Variants in BTLA observed in about 807,000 individuals in gnomAD.
BTLA encodes B- and T-lymphocyte attenuator.
A neutral mutation model predicts 25.0 loss-of-function variants in BTLA; 11 were observed. The observed-to-expected ratio is 0.44, with a 90% confidence interval of 0.28 to 0.73. BTLA has a LOEUF of 0.73. Ranked by LOEUF, BTLA falls within the 30% of genes least tolerant of loss-of-function variation. The pLI is 0.15. For synonymous variants in BTLA, 104 were observed against 119.8 expected (o/e 0.87, Z 0.86); for missense variants, 282 against 332.8 (o/e 0.85, Z 1.19).
intron 2 of BTLA, among the ~76,000 whole-genome samples, chr3:112,476,291 T>C (rs892478301): frequency 6.6e-6 from 1 of 152,242 alleles, no homozygotes; most frequent in Non-Finnish European, 1.5e-5. Flanking sequence ...TTGTAGCTAC[T>C]GCTAAACTGC....
At chr3:112,476,411 A>G (rs1433879744) in intron 2 of BTLA, among the ~76,000 whole-genome samples, 1 of 152,232 alleles carries the variant, frequency 6.6e-6, no homozygotes. Context: ...GTTGAAAGAC[A>G]CTCAAAAGTA....
At chr3:112,472,709 C>A (rs945177113) in intron 2 of BTLA, among the ~76,000 whole-genome samples, 3 of 151,750 alleles carry the variant, frequency 2.0e-5, no homozygotes, top group Non-Finnish European at 2.9e-5. Flanking sequence ...AAAAAAAATT[C>A]TATTAATTAT....
chr3:112,467,644 C>A (rs769896513), intron 4 of BTLA, among the ~76,000 whole-genome samples: 3 of 152,194 alleles, frequency 2.0e-5, no homozygotes, highest in East Asian at 3.9e-4. Flanking sequence ...TCTGGCTTTA[C>A]CCTGAGAAGC....
At chr3:112,480,977 T>TATG (rs1422989464) in intron 1 of BTLA, among the ~76,000 whole-genome samples, 1 of 152,218 alleles carries the variant, frequency 6.6e-6, no homozygotes, top group African/African-American at 2.4e-5. Flanking sequence ...TCCCTCCAAC[T>TATG]ATGATCATGT....
chr3:112,469,117 T>C (rs775001536), intron 4 of BTLA, among the ~76,000 whole-genome samples: 4 of 152,196 alleles, frequency 2.6e-5, no homozygotes, highest in African/African-American at 4.8e-5. Context: ...TTAGTTCTAA[T>C]ATCTCCACAA....
intron 2 of BTLA, among the ~76,000 whole-genome samples, chr3:112,479,110 A>G (rs1207783107): frequency 6.6e-6 from 1 of 151,956 alleles, no homozygotes; most frequent in Non-Finnish European, 1.5e-5. Flanking sequence ...ACAAAGAAGG[A>G]CAAGCAATCA....
At chr3:112,481,193 T>C (rs2082316254) in intron 1 of BTLA, among the ~76,000 whole-genome samples, 2 of 152,160 alleles carry the variant, frequency 1.3e-5, no homozygotes, top group South Asian at 4.1e-4. Context: ...CCTGCAGCTC[T>C]CCCAGGCTAA....
At chr3:112,469,490 T>A (rs1452749289) in intron 4 of BTLA, among the ~76,000 whole-genome samples, 1 of 151,860 alleles carries the variant, frequency 6.6e-6, no homozygotes, top group Admixed American at 6.6e-5. Flanking sequence ...GTCTTGGATC[T>A]AGACTGCCTT....
intron 1 of BTLA, among the ~76,000 whole-genome samples, chr3:112,490,087 T>C (rs2082371882): frequency 6.6e-6 from 1 of 152,168 alleles, no homozygotes; most frequent in African/African-American, 2.4e-5. Flanking sequence ...TAGCATACTT[T>C]CCCATCATAA....
chr3:112,496,295 C>G (rs893437182), intron 1 of BTLA, among the ~76,000 whole-genome samples: 2 of 152,158 alleles, frequency 1.3e-5, no homozygotes, highest in African/African-American at 2.4e-5. Flanking sequence ...TTACTTCTAT[C>G]AGGACAGAAA....
intron 3 of BTLA, 96 bp downstream of exon 3, chr3:112,471,116 A>G (rs969364603): frequency 1.1e-5 from 15 of 1,370,084 alleles, no homozygotes; most frequent in South Asian, 1.5e-5. Context: ...GGATTGGGAA[A>G]GAAAACAACA....
rs758032684 is a variant in BTLA, at chr3:112,466,320, G to A, written c.658C>T (p.Leu220=). 1.2e-6 allele frequency: 2 copies of A among 1,613,692 alleles called. No individual in the cohort carries two copies. Among genetic ancestry groups the A allele is most frequent in the Non-Finnish European group, 1.7e-6 (2 of 1,179,782 alleles). The change falls in exon 5 of 5, where the codon CTA becomes TTA. Residue 220 remains leucine, a synonymous_variant. Coordinates refer to ENST00000334529, the MANE Select transcript of BTLA (RefSeq NM_181780.4). ...TTATCATAAATTCCAGTTTCTGATAGCAGTACTTGGGAATTTTGCCTGGTG... is the reference window on the plus strand; with the variant it reads ...TTATCATAAATTCCAGTTTCTGATAACAGTACTTGGGAATTTTGCCTGGTG... The part of the protein sequence containing the change: ...ASTRQNSQVL[L]SETGIYDNDP...
rs541547652 is a variant in BTLA at position 112,471,927 on chromosome 3, C to T, written c.404-572G>A. The stretch of plus-strand genomic sequence containing the variant: ...GCATTACTATTGATCAATGTTAATA[C>T]GCATTGAGGCCCTGTTTGTCTGCAG... On this transcript the variant is annotated intron_variant, in intron 2 of 4. Coordinates refer to ENST00000334529, the MANE Select transcript of BTLA (RefSeq NM_181780.4). Among the ~76,000 whole-genome samples, 9 of 152,300 alleles carry T rather than the reference C, an allele frequency of 5.9e-5. No individual in the cohort carries two copies. The South Asian group carries it at 6.2e-4, about 11-fold the overall frequency.
intron 1 of BTLA, among the ~76,000 whole-genome samples, chr3:112,490,604 A>AACACACAC (rs55894234): frequency 6.2e-4 from 88 of 142,340 alleles, no homozygotes; most frequent in African/African-American, 2.0e-3. Flanking sequence ...TCCCTGGGTA[A>AACACACAC]ACACACACAC....
Position 112,466,049 on chromosome 3 carries a change from C to A in BTLA, c.*59G>T. ...ATATTATTTGACATCCTGTTGAGCC[C>A]AGACAATGATGTCAACATGCTGATC... is the stretch of plus-strand genomic sequence containing the variant. On this transcript the variant is annotated 3_prime_UTR_variant, in exon 5 of 5. Coordinates refer to ENST00000334529, the MANE Select transcript of BTLA (RefSeq NM_181780.4). The A allele has an allele frequency of 1.4e-6, 2 of 1,460,284 alleles. No individual in the cohort carries two copies. Among genetic ancestry groups the A allele is most frequent in the Admixed American group, 2.3e-5 (1 of 43,742 alleles). 90.5% of individuals were successfully genotyped at this position (1,460,284 alleles called of 1,614,324 possible). A position where few individuals can be genotyped will look rare whatever the true frequency, so the allele number is the denominator to read the frequency against.
intron 4 of BTLA, 50 bp from the exon 5 acceptor site, chr3:112,466,433 T>C (rs765748606): frequency 2.0e-6 from 3 of 1,472,980 alleles, no homozygotes; most frequent in East Asian, 2.3e-5. Context: ...GCCATGGTAG[T>C]GCATATTCAT....
chr3:112,484,521 A>G (rs781159728), intron 1 of BTLA, among the ~76,000 whole-genome samples: 4 of 152,232 alleles, frequency 2.6e-5, no homozygotes, highest in Admixed American at 2.6e-4. Flanking sequence ...CTGACCACAC[A>G]AACACACACA....
chr3:112,496,894 AT>A (rs1213281796), intron 1 of BTLA, among the ~76,000 whole-genome samples: 1 of 151,836 alleles, frequency 6.6e-6, no homozygotes, highest in Non-Finnish European at 1.5e-5. Flanking sequence ...CACCCAGCAA[AT>A]TTTTATATTT....
At chr3:112,472,928 A>G (rs992358210) in intron 2 of BTLA, among the ~76,000 whole-genome samples, 8 of 151,946 alleles carry the variant, frequency 5.3e-5, no homozygotes, top group Non-Finnish European at 1.5e-5. Flanking sequence ...TTGGATAGCA[A>G]TGGGGACTAA....
Sources: gnomAD v4.1 joint callset for allele counts (sites outside exome capture counted in the v4.1 genomes callset) on GRCh38, gnomAD v4.1.1 for gene constraint, MANE v1.5 for transcripts, NCBI Gene and HGNC (gene_info 2026-07-23, HGNC 2026-07-21) for gene names.